NSD3: variants seen among roughly 807,000 people sequenced by gnomAD.
NSD3 encodes nuclear receptor binding SET domain protein 3, also known as histone-lysine N-methyltransferase NSD3.
A neutral mutation model predicts 160.8 loss-of-function variants in NSD3; 24 were observed. The ratio of observed to expected loss-of-function variants is 0.15; its 90% confidence interval spans 0.11 to 0.21. The LOEUF is 0.21. Ranked by LOEUF, NSD3 falls within the 10% of genes least tolerant of loss-of-function variation. The pLI, the probability that NSD3 is intolerant of heterozygous loss-of-function variation, is 1.00. For synonymous variants in NSD3, 520 were observed against 600.0 expected (o/e 0.87, Z 1.95); for missense variants, 1,157 against 1,735.9 (o/e 0.67, Z 5.93).
chr8:38,325,109 C>A (rs1809876468), intron 7 of NSD3, among the ~76,000 whole-genome samples: 1 of 152,196 alleles, frequency 6.6e-6, no homozygotes, highest in South Asian at 2.1e-4. Context: ...CGAGAACCTC[C>A]AATTTATAGC....
chr8:38,362,656 T>C (rs1182258616), intron 1 of NSD3, among the ~76,000 whole-genome samples: 2 of 152,178 alleles, frequency 1.3e-5, no homozygotes, highest in African/African-American at 4.8e-5. Flanking sequence ...ATAACCACAT[T>C]AAATATGCTC....
rs1486388534 is a variant in NSD3 at position 38,318,872 on chromosome 8, G to A, written c.1855+23C>T. ...TTGGTTTTAATCAAGGAAATGCAAA[G>A]CAACATTATAATATTAACTCACCTT... On this transcript the variant is annotated intron_variant, in intron 9 of 23. Coordinates refer to ENST00000317025, the MANE Select transcript of NSD3 (RefSeq NM_023034.2). This position sits in a 1 kb window ranked among gnomAD's most constrained non-coding sequence, Gnocchi z 5.3. 1.9e-6 allele frequency: 3 copies of A among 1,600,152 alleles called. No individual in the cohort carries two copies. In the Admixed American group the frequency reaches 5.4e-5, roughly 29 times the overall value.
At chr8:38,309,117 TGGGCAACATG>T (rs1026896665) in intron 12 of NSD3, among the ~76,000 whole-genome samples, 2 of 151,188 alleles carry the variant, frequency 1.3e-5, no homozygotes, top group African/African-American at 4.9e-5. Context: ...AAGACCAGCC[TGGGCAACATG>T]GTAAACCTGT....
chr8:38,351,131 C>T (rs1171737990), intron 1 of NSD3, among the ~76,000 whole-genome samples: 2 of 151,462 alleles, frequency 1.3e-5, no homozygotes, highest in Non-Finnish European at 2.9e-5. Context: ...GCCACCATGC[C>T]CAGCTATTTT....
At chr8:38,364,567 T>C (rs943902355) in intron 1 of NSD3, among the ~76,000 whole-genome samples, 1 of 152,074 alleles carries the variant, frequency 6.6e-6, no homozygotes, top group Non-Finnish European at 1.5e-5. Context: ...AATAACAAAA[T>C]GGCAGTCAAG....
At chr8:38,299,981 A>G (rs1158671894) in intron 14 of NSD3, among the ~76,000 whole-genome samples, 1 of 151,882 alleles carries the variant, frequency 6.6e-6, no homozygotes, top group Non-Finnish European at 1.5e-5. Context: ...AGAAATAAGA[A>G]TCATTTACAT....
rs1808533488 is a variant in NSD3, at chr8:38,273,502, TA to T, written c.*2138del. 6.6e-6 allele frequency: 1 copy of T among 152,174 alleles called. No homozygotes were observed. The highest frequency in any genetic ancestry group is 2.4e-5 in the African/African-American group (1 of 41,438). The allele number at this position is 152,174 out of a possible 1,614,324, so 9.4% of individuals were successfully genotyped here. On this transcript the variant is annotated 3_prime_UTR_variant, in exon 24 of 24. Coordinates refer to ENST00000317025, the MANE Select transcript of NSD3 (RefSeq NM_023034.2). ...CATAGAAAAGTCTTTAGATAGTAAATAGCACTAAGTCTAAAAGCAAGGAGAT... is the reference window on the plus strand; with the variant it reads ...CATAGAAAAGTCTTTAGATAGTAAATGCACTAAGTCTAAAAGCAAGGAGAT...
rs572027189 is a variant in NSD3 at position 38,317,887 on chromosome 8, C to A, written c.1855+1008G>T. On this transcript the variant is annotated intron_variant, in intron 9 of 23. Coordinates refer to ENST00000317025, the MANE Select transcript of NSD3 (RefSeq NM_023034.2). This position sits in a 1 kb window ranked among gnomAD's most constrained non-coding sequence, Gnocchi z 5.3. ...GAAAACAAAGAAACTGTTTATCAAG[C>A]CGCCGACAAAGAAATCTTGCATGGA... 4.8e-4 allele frequency: 770 copies of A among 1,598,888 alleles called. No homozygotes were observed. The highest frequency in any genetic ancestry group is 6.4e-4 in the Non-Finnish European group (748 of 1,172,604).
intron 16 of NSD3, among the ~76,000 whole-genome samples, chr8:38,292,733 G>A (rs1809029165): frequency 6.6e-6 from 1 of 152,098 alleles, no homozygotes; most frequent in Non-Finnish European, 1.5e-5. Context: ...AGCTTGCAGT[G>A]AGCCAAGATC....
At chr8:38,308,913 G>C (rs150927307) in intron 12 of NSD3, among the ~76,000 whole-genome samples, 2 of 152,126 alleles carry the variant, frequency 1.3e-5, no homozygotes, top group African/African-American at 4.8e-5. Flanking sequence ...TGCTAACAGA[G>C]AGCTGAACTA....
chr8:38,305,609 T>C (rs1809375362), intron 12 of NSD3, among the ~76,000 whole-genome samples, 164 bp from the exon 13 acceptor site: 1 of 152,252 alleles, frequency 6.6e-6, no homozygotes, highest in Non-Finnish European at 1.5e-5. Context: ...ATTAAAATTA[T>C]GTTTTAAATT....
At chr8:38,282,468 C>T (rs1232082594) in intron 19 of NSD3, among the ~76,000 whole-genome samples, 5 of 152,166 alleles carry the variant, frequency 3.3e-5, no homozygotes, top group East Asian at 1.9e-4. Context: ...GTCAGGCGTC[C>T]GAGACCAGCC....
chr8:38,333,873 C>CA lies in NSD3; in HGVS notation c.911-2289dup, dbSNP rs567506428. ...TGGGCGACAGAGCGAGACTCCGTCT[C>CA]AAAAAAAAGAAAAAAAAAATACTGA... On this transcript the variant is annotated intron_variant, in intron 4 of 23. Transcript: ENST00000317025. 2.9e-3 allele frequency among the ~76,000 whole-genome samples: 429 copies of CA among 147,696 alleles called. 1 individual carries two copies. The highest frequency in any genetic ancestry group is 4.8e-3 in the Non-Finnish European group (323 of 67,004).
chr8:38,364,802 A>G (rs966853378), intron 1 of NSD3, among the ~76,000 whole-genome samples: 1 of 152,248 alleles, frequency 6.6e-6, no homozygotes, highest in Non-Finnish European at 1.5e-5. Flanking sequence ...TAATAGTCAC[A>G]GTTTTAAGAA....
intron 7 of NSD3, among the ~76,000 whole-genome samples, chr8:38,323,047 T>C (rs181140756): frequency 6.6e-6 from 1 of 152,030 alleles, no homozygotes; most frequent in Admixed American, 6.5e-5. Context: ...ATTAAGTTTT[T>C]TTTCTTTTCT....
At chr8:38,366,891 T>G (rs1190627367) in intron 1 of NSD3, among the ~76,000 whole-genome samples, 2 of 152,218 alleles carry the variant, frequency 1.3e-5, no homozygotes, top group Non-Finnish European at 2.9e-5. Flanking sequence ...TATTGGTCAG[T>G]GCAGATACAG....
rs1810014626 is a variant in NSD3 at position 38,329,980 on chromosome 8, C to G, written c.1066-87G>C. ...TGTATTTCCCATGTGATCCTGTTATCTTTTCAGGTCTACATAAATATCTTC... is the reference window on the plus strand; with the variant it reads ...TGTATTTCCCATGTGATCCTGTTATGTTTTCAGGTCTACATAAATATCTTC... On this transcript the variant is annotated intron_variant, in intron 5 of 23. Transcript: ENST00000317025. The surrounding 1 kb of genome is among the most constrained non-coding windows in gnomAD (Gnocchi z 4.8). The G allele has an allele frequency of 7.0e-7, 1 of 1,430,018 alleles. No individual in the cohort carries two copies. Among genetic ancestry groups the G allele is most frequent in the African/African-American group, 1.4e-5 (1 of 70,234 alleles). The allele number at this position is 1,430,018 out of a possible 1,614,324, so 88.6% of individuals were successfully genotyped here.
Position 38,316,605 on chromosome 8 carries a change from G to A in NSD3, c.1856-563C>T. On this transcript the variant is annotated intron_variant, in intron 9 of 23. Coordinates refer to ENST00000317025, the MANE Select transcript of NSD3 (RefSeq NM_023034.2). The surrounding 1 kb of genome is among the most constrained non-coding windows in gnomAD (Gnocchi z 4.5). The stretch of plus-strand genomic sequence containing the variant: ...GTTCATCTGAGACTTCCTTGGTGAA[G>A]TGGCATTTATTGTGACCATTAACAA... 1 of 1,052,530 alleles carries A rather than the reference G, an allele frequency of 9.5e-7. No individual in the cohort carries two copies. The highest frequency in any genetic ancestry group is 4.6e-5 in the South Asian group (1 of 21,920). 65.2% of individuals were successfully genotyped at this position (1,052,530 alleles called of 1,614,324 possible).
chr8:38,314,817 A>G, intron 11 of NSD3, 44 bp from the exon 12 acceptor site: 1 of 1,593,536 alleles, frequency 6.3e-7, no homozygotes, highest in Non-Finnish European at 8.6e-7. Context: ...TTTGGCAAAC[A>G]TCAAGACCAC....
Sources: allele counts gnomAD v4.1 joint callset (sites outside exome capture counted in the v4.1 genomes callset), GRCh38; gene constraint gnomAD v4.1.1; non-coding constraint Gnocchi (gnomAD v3.1); transcripts MANE v1.5; gene names NCBI Gene and HGNC (gene_info 2026-07-23, HGNC 2026-07-21).